The following SRGAP3 variants were observed in gnomAD, a reference collection of about 807,000 sequenced individuals.
SRGAP3 encodes SLIT-ROBO Rho GTPase-activating protein 3.
A neutral mutation model predicts 121.1 loss-of-function variants in SRGAP3; 39 were observed. That is an observed-to-expected ratio of 0.32 (90% confidence interval 0.25 to 0.42). SRGAP3 has a LOEUF of 0.42. Ranked by LOEUF, SRGAP3 falls within the 10% of genes least tolerant of loss-of-function variation. The probability of loss-of-function intolerance (pLI) is 1.00; values close to 1 mark genes in which losing one functional copy is unlikely to be tolerated. For synonymous variants in SRGAP3, 601 were observed against 570.0 expected, an observed-to-expected ratio of 1.05 and a Z score of -0.77; for missense variants, 1,213 against 1,470.6, an observed-to-expected ratio of 0.82 and a Z score of 2.86.
At chr3:9,212,185 G>A (rs989699725) in intron 1 of SRGAP3, among the ~76,000 whole-genome samples, 3 of 152,212 alleles carry the variant, frequency 2.0e-5, no homozygotes, top group African/African-American at 7.2e-5. Flanking sequence ...TTGCGTGTGA[G>A]TTTATGCTGC....
At chr3:9,090,501 T>C (rs1314013204) in intron 3 of SRGAP3, among the ~76,000 whole-genome samples, 1 of 152,220 alleles carries the variant, frequency 6.6e-6, no homozygotes, top group Non-Finnish European at 1.5e-5. Context: ...ATCATTTCCT[T>C]TGCCATGAAA....
chr3:9,070,335 GCTCACTGC>G (rs1946640226), intron 4 of SRGAP3, among the ~76,000 whole-genome samples: 1 of 139,868 alleles, frequency 7.1e-6, no homozygotes, highest in African/African-American at 2.5e-5. Context: ...GGGCACAGTG[GCTCACTGC>G]TTCCAGCATT....
At chr3:9,313,246 G>C (rs1183478561) in intron 3 of SRGAP3, among the ~76,000 whole-genome samples, 1 of 152,084 alleles carries the variant, frequency 6.6e-6, no homozygotes, top group African/African-American at 2.4e-5. Flanking sequence ...TACCCACATG[G>C]CACGTTCACT....
At chr3:9,198,563 G>A (rs1951979040) in intron 1 of SRGAP3, among the ~76,000 whole-genome samples, 1 of 152,130 alleles carries the variant, frequency 6.6e-6, no homozygotes, top group Non-Finnish European at 1.5e-5. Flanking sequence ...TTGAAAAGGG[G>A]CTTTACCTTT....
intron 3 of SRGAP3, among the ~76,000 whole-genome samples, chr3:9,083,864 C>A (rs755911014): frequency 6.6e-6 from 1 of 152,138 alleles, no homozygotes; most frequent in Non-Finnish European, 1.5e-5. Context: ...GCCATGTCAT[C>A]ATCTCCCAGG....
chr3:9,032,518 C>T, intron 12 of SRGAP3, 132 bp downstream of exon 12: 1 of 818,092 alleles, frequency 1.2e-6, no homozygotes, highest in Non-Finnish European at 2.1e-6. Context: ...AAGCTAAGAG[C>T]AGGCTGCAGT....
At chr3:9,057,568 G>A (rs183861402) in intron 7 of SRGAP3, among the ~76,000 whole-genome samples, 4 of 152,284 alleles carry the variant, frequency 2.6e-5, no homozygotes, top group Non-Finnish European at 5.9e-5. Context: ...CAGGTGCCAC[G>A]GGTGGCCCAG....
At chr3:9,278,862 G>C (rs147801685) in intron 3 of SRGAP3, among the ~76,000 whole-genome samples, 1,596 of 152,298 alleles carry the variant, frequency 0.01, 100 homozygotes, top group Admixed American at 0.096. Context: ...TGAGGCATGT[G>C]AACAATGTCA....
chr3:9,149,305 G>C (rs1950133647), intron 1 of SRGAP3, among the ~76,000 whole-genome samples: 1 of 151,858 alleles, frequency 6.6e-6, no homozygotes, highest in South Asian at 2.1e-4. Flanking sequence ...CCAGTTAGTT[G>C]AGAGCTGGCC....
chr3:9,315,737 T>C (rs1294033739), intron 3 of SRGAP3, among the ~76,000 whole-genome samples: 1 of 152,128 alleles, frequency 6.6e-6, no homozygotes, highest in African/African-American at 2.4e-5. Context: ...GTACAAAATA[T>C]GCTTAAACCA....
At chr3:8,994,151 G>A in intron 19 of SRGAP3, 192 bp downstream of exon 19, 1 of 751,844 alleles carries the variant, frequency 1.3e-6, no homozygotes, top group Non-Finnish European at 2.2e-6. Context: ...TCAGAAGGAG[G>A]AATTTGGATA....
At chr3:9,271,728 T>A (rs1954482121) in intron 3 of SRGAP3, among the ~76,000 whole-genome samples, 1 of 152,150 alleles carries the variant, frequency 6.6e-6, no homozygotes, top group Non-Finnish European at 1.5e-5. Flanking sequence ...TGAAAAACCC[T>A]ACAGCCAAAG....
chr3:9,248,885 C>G lies in SRGAP3; in HGVS notation c.67G>C (p.Glu23Gln). The change falls in exon 1 of 22, where the codon GAG becomes CAG. Residue 23 changes from glutamate (E) to glutamine (Q), a missense_variant and splice_region_variant. Coordinates refer to ENST00000383836, the MANE Select transcript of SRGAP3 (RefSeq NM_014850.4). Reference sequence around the variant, plus strand: ...AAAACTCTCCCAGCCCGCATCTCACCTTTTATTTGGGCTTCATATTCAGCA... The same window carrying G: ...AAAACTCTCCCAGCCCGCATCTCACGTTTTATTTGGGCTTCATATTCAGCA... Reference protein sequence around the residue: ...IIAEYEAQIKEIRTQLVEQFK... With the variant: ...IIAEYEAQIKQIRTQLVEQFK... 1 of 1,614,208 alleles carries G rather than the reference C, an allele frequency of 6.2e-7. No individual in the cohort carries two copies. The highest frequency in any genetic ancestry group is 8.5e-7 in the Non-Finnish European group (1 of 1,180,022).
At chr3:8,986,857 G>T (rs1941734965) in intron 21 of SRGAP3, among the ~76,000 whole-genome samples, 3 of 152,182 alleles carry the variant, frequency 2.0e-5, no homozygotes, top group South Asian at 4.1e-4. Context: ...CACTCTGAAG[G>T]ACTCAGAGAG....
intron 18 of SRGAP3, among the ~76,000 whole-genome samples, chr3:9,000,852 C>T (rs1002321431): frequency 3.9e-5 from 6 of 152,106 alleles, no homozygotes; most frequent in African/African-American, 1.2e-4. Flanking sequence ...GATTAACAGC[C>T]GGAAAGGATC....
intron 11 of SRGAP3, chr3:9,035,736 T>C (rs1485581748): frequency 6.0e-6 from 1 of 165,452 alleles, no homozygotes; most frequent in Non-Finnish European, 1.3e-5. Context: ...TTAACACACG[T>C]TGGCAACACA....
At chr3:9,070,346 CCAGCA>C (rs1946641728) in intron 4 of SRGAP3, among the ~76,000 whole-genome samples, 1 of 151,988 alleles carries the variant, frequency 6.6e-6, no homozygotes, top group African/African-American at 2.4e-5. Context: ...CTCACTGCTT[CCAGCA>C]TTTGTGTATG....
intron 3 of SRGAP3, among the ~76,000 whole-genome samples, chr3:9,272,940 T>A (rs1954505957): frequency 6.6e-6 from 1 of 152,180 alleles, no homozygotes. Flanking sequence ...GGGGAGTGTC[T>A]ATTTGTTTGT....
chr3:9,153,762 G>A (rs1244248925), intron 1 of SRGAP3, among the ~76,000 whole-genome samples: 2 of 152,036 alleles, frequency 1.3e-5, no homozygotes, highest in East Asian at 1.9e-4. Context: ...ACATATTATT[G>A]TATACATTAT....
Sources: gnomAD v4.1 joint callset for allele counts (sites outside exome capture counted in the v4.1 genomes callset) on GRCh38, gnomAD v4.1.1 for gene constraint, MANE v1.5 for transcripts, NCBI Gene and HGNC (gene_info 2026-07-23, HGNC 2026-07-21) for gene names.